Variants in AMMECR1 observed in about 807,000 individuals in gnomAD.
AMMECR1 encodes the protein nuclear protein AMMECR1.
In AMMECR1, 3 loss-of-function variants were observed where a neutral mutation model predicts 22.5. The observed-to-expected ratio is 0.13, with a 90% CI of 0.06 to 0.35. The LOEUF is 0.35. AMMECR1 is among the 10% of genes least tolerant of loss of function. The probability of loss-of-function intolerance (pLI) is 1.00; values close to 1 mark genes in which losing one functional copy is unlikely to be tolerated. For missense variants in AMMECR1, 235 were observed against 278.7 expected (o/e 0.84, Z 1.12); for synonymous variants, 130 against 116.7 (o/e 1.11, Z -0.74).
At chrX:110,199,941 C>A (rs1014446983) in intron 5 of AMMECR1, among the ~76,000 whole-genome samples, 3 of 111,305 alleles carry the variant, frequency 2.7e-5, no homozygotes, top group African/African-American at 9.8e-5. Context: ...GTCTGCCCAA[C>A]CTACCTTCTG....
intron 2 of AMMECR1, among the ~76,000 whole-genome samples, chrX:110,332,847 C>T (rs1445391141): frequency 1.8e-5 from 2 of 111,415 alleles, no homozygotes; most frequent in East Asian, 2.8e-4. Context: ...AGAGAGGAGA[C>T]GGGAGTAATG....
intron 2 of AMMECR1, among the ~76,000 whole-genome samples, chrX:110,366,807 G>A (rs920912861): frequency 1.8e-5 from 2 of 111,938 alleles, no homozygotes; most frequent in African/African-American, 6.5e-5. Flanking sequence ...TTTAGATTCA[G>A]GACCACTAAC....
At chrX:110,440,075 C>T (rs951539797) in exon 1 of AMMECR1, 3 of 111,275 alleles carry the variant, frequency 2.7e-5, no homozygotes, top group Non-Finnish European at 5.7e-5. Context: ...CAGGATGTCT[C>T]TCATCCTGCC....
chrX:110,435,179 AGGAG>A (rs1439070267), intron 1 of AMMECR1, among the ~76,000 whole-genome samples: 1 of 104,287 alleles, frequency 9.6e-6, no homozygotes, highest in African/African-American at 3.5e-5. Flanking sequence ...GAAGGAGGGA[AGGAG>A]GGAGGGAGGA....
chrX:110,208,601 C>T (rs761706012), intron 3 of AMMECR1, among the ~76,000 whole-genome samples: 1 of 112,061 alleles, frequency 8.9e-6, no homozygotes, highest in Non-Finnish European at 1.9e-5. Context: ...CACTGAACAA[C>T]GATCTGGTAA....
chrX:110,406,402 C>T (rs1469379944), intron 2 of AMMECR1, among the ~76,000 whole-genome samples: 1 of 111,471 alleles, frequency 9.0e-6, no homozygotes, highest in African/African-American at 3.3e-5. Context: ...TGATGGTTTC[C>T]AGCTTCATCC....
intron 2 of AMMECR1, among the ~76,000 whole-genome samples, chrX:110,261,371 G>GT (rs1363397839): frequency 1.8e-5 from 2 of 110,819 alleles, no homozygotes; most frequent in Non-Finnish European, 3.8e-5. Flanking sequence ...GTTTTATTTT[G>GT]TTTTTTGTTT....
At chrX:110,348,917 A>T (rs1180920352) in intron 2 of AMMECR1, among the ~76,000 whole-genome samples, 2 of 112,125 alleles carry the variant, frequency 1.8e-5, no homozygotes, top group Non-Finnish European at 3.8e-5. Context: ...TAAAATTTGA[A>T]TTTTTCACAA....
chrX:110,375,983 A>C (rs2148268269), intron 2 of AMMECR1, among the ~76,000 whole-genome samples: 1 of 111,323 alleles, frequency 9.0e-6, no homozygotes. Context: ...GTCTGTCCTT[A>C]AAAAAATAGA....
At chrX:110,370,846 T>C (rs1485026498) in intron 2 of AMMECR1, among the ~76,000 whole-genome samples, 2 of 112,235 alleles carry the variant, frequency 1.8e-5, no homozygotes, top group Admixed American at 9.4e-5. Flanking sequence ...TTTTGGACTA[T>C]GGGCAGGCAG....
chrX:110,219,963 A>G (rs1298350392), intron 2 of AMMECR1, among the ~76,000 whole-genome samples: 1 of 112,176 alleles, frequency 8.9e-6, no homozygotes, highest in Non-Finnish European at 1.9e-5. Flanking sequence ...AGATTACAAA[A>G]AGATGAAAAT....
chrX:110,407,933 T>C (rs1038413928), intron 2 of AMMECR1, among the ~76,000 whole-genome samples: 5 of 112,557 alleles, frequency 4.4e-5, no homozygotes, highest in Non-Finnish European at 7.5e-5. Flanking sequence ...CTACTGACTA[T>C]CAACGGCCTG....
At chrX:110,421,794 C>T (rs147620555) in intron 2 of AMMECR1, among the ~76,000 whole-genome samples, 16 of 112,709 alleles carry the variant, frequency 1.4e-4, no homozygotes, top group South Asian at 1.1e-3. Flanking sequence ...CTTCTGGTCC[C>T]GGTCCTTGCC....
At chrX:110,353,181 T>C (rs759041569) in intron 2 of AMMECR1, among the ~76,000 whole-genome samples, 1 of 112,009 alleles carries the variant, frequency 8.9e-6, no homozygotes, top group East Asian at 2.8e-4. Context: ...TCATTTCTGA[T>C]CTTGTTTATT....
chrX:110,376,020 T>A (rs893564124), intron 2 of AMMECR1, among the ~76,000 whole-genome samples: 7 of 111,495 alleles, frequency 6.3e-5, no homozygotes, highest in African/African-American at 2.3e-4. Flanking sequence ...GTAGTCACAT[T>A]CTCATTTTAG....
intron 2 of AMMECR1, among the ~76,000 whole-genome samples, chrX:110,329,952 A>G (rs1325407658): frequency 1.8e-5 from 2 of 111,929 alleles, no homozygotes; most frequent in Non-Finnish European, 3.8e-5. Context: ...CTAGTCCACC[A>G]TAGTACCAGT....
chrX:110,435,006 C>G (rs2068826162), intron 1 of AMMECR1, among the ~76,000 whole-genome samples: 1 of 102,727 alleles, frequency 9.7e-6, no homozygotes, highest in African/African-American at 3.7e-5. Flanking sequence ...GGGCTGCACT[C>G]AGGCCAGTGA....
At chrX:110,349,678 A>T (rs896219327) in intron 2 of AMMECR1, among the ~76,000 whole-genome samples, 6 of 111,996 alleles carry the variant, frequency 5.4e-5, no homozygotes, top group African/African-American at 1.6e-4. Context: ...TGTTTTTAGT[A>T]TTTTTATACT....
chrX:110,270,541 G>T (rs2067793452), intron 1 of AMMECR1, among the ~76,000 whole-genome samples: 1 of 111,109 alleles, frequency 9.0e-6, no homozygotes, highest in African/African-American at 3.3e-5. Flanking sequence ...AAAGACCAAA[G>T]AATAGGAAAA....
Sources: allele counts gnomAD v4.1 joint callset (sites outside exome capture counted in the v4.1 genomes callset), GRCh38; gene constraint gnomAD v4.1.1; transcripts MANE v1.5; gene names NCBI Gene and HGNC (gene_info 2026-07-23, HGNC 2026-07-21).